CDK14: variants seen among roughly 807,000 people sequenced by gnomAD.
CDK14 encodes cyclin dependent kinase 14.
A neutral mutation model predicts 60.7 loss-of-function variants in CDK14; 34 were observed. That is an observed-to-expected ratio of 0.56 (90% CI 0.43 to 0.75). CDK14 has a LOEUF of 0.75. Ranked by LOEUF, CDK14 falls within the 30% of genes least tolerant of loss-of-function variation. CDK14 has a pLI of 0.00. For missense variants in CDK14, 482 were observed against 564.1 expected (o/e 0.85, Z 1.47); for synonymous variants, 197 against 203.7 (o/e 0.97, Z 0.28).
rs573660852 is a variant in CDK14 at position 91,009,980 on chromosome 7, T to C, written c.1041+25739T>C. On this transcript the variant is annotated intron_variant, in intron 10 of 14. Transcript: ENST00000380050. ...TATGGTGCCAGGGACAGATTAAAAT[T>C]CCTTTTTAAATTTTATTTTTGACAT... Among the ~76,000 whole-genome samples, 3 of 152,228 alleles carry C rather than the reference T, an allele frequency of 2.0e-5. No individual in the cohort carries two copies. The South Asian group carries it at 6.2e-4, about 32-fold the overall frequency.
At chr7:91,193,841 A>C (rs1271656159) in intron 14 of CDK14, among the ~76,000 whole-genome samples, 1 of 152,150 alleles carries the variant, frequency 6.6e-6, no homozygotes. Context: ...ATTGTATACT[A>C]TATTTTGTCA....
chr7:90,824,181 T>C (rs1289006876), intron 5 of CDK14, among the ~76,000 whole-genome samples: 1 of 152,184 alleles, frequency 6.6e-6, no homozygotes, highest in East Asian at 1.9e-4. Context: ...TGATTCTACA[T>C]GGTCTTCGAG....
At chr7:90,749,073 A>G (rs182785390) in intron 4 of CDK14, among the ~76,000 whole-genome samples, 2 of 152,336 alleles carry the variant, frequency 1.3e-5, no homozygotes, top group East Asian at 3.9e-4. Context: ...AAGATGAAAT[A>G]TTCCTTATCA....
At chr7:90,778,635 C>T (rs12669949) in intron 4 of CDK14, among the ~76,000 whole-genome samples, 31,167 of 152,132 alleles carry the variant, frequency 0.2, 3,333 homozygotes, top group South Asian at 0.24. Context: ...TCCTCTCTAG[C>T]TCTTCCACCC....
chr7:91,133,121 A>C (rs770829324), intron 14 of CDK14, among the ~76,000 whole-genome samples: 9 of 152,162 alleles, frequency 5.9e-5, no homozygotes, highest in Non-Finnish European at 7.4e-5. Context: ...AATTTAAGAC[A>C]ATTTTCAAAG....
intron 2 of CDK14, among the ~76,000 whole-genome samples, chr7:90,657,882 C>T (rs1348831147): frequency 6.6e-6 from 1 of 152,162 alleles, no homozygotes; most frequent in Non-Finnish European, 1.5e-5. Context: ...GAGACCAAGG[C>T]CCAGTGAGCC....
intron 2 of CDK14, among the ~76,000 whole-genome samples, chr7:90,720,224 T>C (rs890735792): frequency 3.3e-5 from 5 of 152,224 alleles, no homozygotes; most frequent in African/African-American, 1.2e-4. Context: ...CTAAATTCAC[T>C]GAAGTGAATT....
At chr7:90,845,028 T>C (rs1339461408) in intron 5 of CDK14, among the ~76,000 whole-genome samples, 1 of 152,204 alleles carries the variant, frequency 6.6e-6, no homozygotes, top group Non-Finnish European at 1.5e-5. Flanking sequence ...CTTGCCACAC[T>C]CTAACAAAAT....
chr7:91,024,718 T>C (rs1429343654), intron 10 of CDK14, among the ~76,000 whole-genome samples: 2 of 152,198 alleles, frequency 1.3e-5, no homozygotes, highest in African/African-American at 4.8e-5. Flanking sequence ...CGCACTCTAA[T>C]CGTAGTGCCT....
chr7:90,833,808 C>G (rs1213417999), intron 5 of CDK14, among the ~76,000 whole-genome samples: 2 of 152,172 alleles, frequency 1.3e-5, no homozygotes, highest in African/African-American at 4.8e-5. Context: ...TAAGAAAGGA[C>G]TTAAAAATAG....
chr7:90,644,910 T>G (rs1800426454), intron 2 of CDK14, among the ~76,000 whole-genome samples: 2 of 152,222 alleles, frequency 1.3e-5, no homozygotes, highest in African/African-American at 2.4e-5. Context: ...TCAGTCGAAT[T>G]TAGCTTTTCT....
intron 2 of CDK14, among the ~76,000 whole-genome samples, chr7:90,612,346 A>G (rs1799557674): frequency 6.6e-6 from 1 of 152,110 alleles, no homozygotes; most frequent in Non-Finnish European, 1.5e-5. Context: ...CGTTTGTTTT[A>G]TGTCAGGCTG....
chr7:90,770,296 A>C (rs1287450174), intron 4 of CDK14, among the ~76,000 whole-genome samples: 1 of 152,224 alleles, frequency 6.6e-6, no homozygotes, highest in Non-Finnish European at 1.5e-5. Flanking sequence ...GTATAACTAT[A>C]ATAGTGAAGT....
intron 14 of CDK14, among the ~76,000 whole-genome samples, chr7:91,193,634 G>A (rs1259870156): frequency 6.6e-6 from 1 of 152,114 alleles, no homozygotes; most frequent in East Asian, 1.9e-4. Flanking sequence ...TCAATTTGGA[G>A]GCATTTTTAA....
chr7:91,173,779 T>C (rs951511141), intron 14 of CDK14, among the ~76,000 whole-genome samples: 5 of 152,196 alleles, frequency 3.3e-5, no homozygotes, highest in Admixed American at 3.3e-4. Context: ...CACGAGATTA[T>C]ATCCCGCACC....
chr7:91,091,524 C>A (rs1328743256), intron 12 of CDK14, among the ~76,000 whole-genome samples: 5 of 51,208 alleles, frequency 9.8e-5, no homozygotes, highest in African/African-American at 5.7e-4. Flanking sequence ...TATAAATTAG[C>A]CAGGCATGGT....
intron 6 of CDK14, among the ~76,000 whole-genome samples, chr7:90,869,739 G>C (rs1057224079): frequency 2.6e-5 from 4 of 152,184 alleles, no homozygotes; most frequent in Non-Finnish European, 5.9e-5. Context: ...CGACACACCT[G>C]TTGGGAAGAC....
chr7:91,173,217 T>C lies in CDK14; in HGVS notation c.*29-33948T>C, dbSNP rs188050907. ...GGTTCATTCTAGCAGTTAGTACTTA[T>C]TCTGTTCTTCCAGGGATGCATCAAC... On this transcript the variant is annotated intron_variant, in intron 14 of 14. Transcript: ENST00000380050. Among the ~76,000 whole-genome samples the C allele has an allele frequency of 4.0e-3, 612 of 152,324 alleles. 9 individuals carry two copies. Among genetic ancestry groups the C allele is most frequent in the African/African-American group, 0.014 (569 of 41,584 alleles).
chr7:91,046,586 C>T (rs1308080811), intron 11 of CDK14, among the ~76,000 whole-genome samples: 1 of 151,834 alleles, frequency 6.6e-6, no homozygotes, highest in Non-Finnish European at 1.5e-5. Flanking sequence ...AGATGAATCT[C>T]AAATATGGTC....
Sources: allele counts gnomAD v4.1 joint callset (sites outside exome capture counted in the v4.1 genomes callset), GRCh38; gene constraint gnomAD v4.1.1; transcripts MANE v1.5; gene names NCBI Gene and HGNC (gene_info 2026-07-23, HGNC 2026-07-21).